KLF11: variants seen among roughly 807,000 people sequenced by gnomAD.
The protein encoded by KLF11 is KLF transcription factor 11, also known as Krueppel-like factor 11.
A neutral mutation model predicts 29.9 loss-of-function variants in KLF11; 26 were observed. That is an observed-to-expected ratio of 0.87 (90% CI 0.64 to 1.21). KLF11 has a LOEUF of 1.21. Among genes scored for constraint, KLF11 ranks in the 50% most tolerant of loss-of-function variants. The pLI, the probability that KLF11 is intolerant of heterozygous loss-of-function variation, is 0.00. For synonymous variants in KLF11, 318 were observed against 257.4 expected, an observed-to-expected ratio of 1.24 and a Z score of -2.25; for missense variants, 778 against 665.7, an observed-to-expected ratio of 1.17 and a Z score of -1.86.
rs1476410351 is a variant in KLF11, at chr2:10,048,441, C to T, written c.1104C>T (p.Pro368=). The change falls in exon 3 of 4, where the codon CCC becomes CCT. Residue 368 remains proline, a synonymous_variant. Coordinates refer to ENST00000305883, the MANE Select transcript of KLF11 (RefSeq NM_003597.5). The part of the protein sequence containing the change: ...VMAAGNTKLL[P]LAPAPVFITS... Reference sequence around the variant, plus strand: ...CTGCCGGGAATACCAAGTTGTTGCCCCTTGCCCCTGCTCCAGTGTTCATCA... The same window carrying T: ...CTGCCGGGAATACCAAGTTGTTGCCTCTTGCCCCTGCTCCAGTGTTCATCA... 1 of 1,614,164 alleles carries T rather than the reference C, an allele frequency of 6.2e-7. No individual in the cohort carries two copies. The highest frequency in any genetic ancestry group is 8.5e-7 in the Non-Finnish European group (1 of 1,180,046).
intron 1 of KLF11, chr2:10,043,999 T>C (rs1327796561): frequency 4.2e-5 from 33 of 793,812 alleles, no homozygotes; most frequent in Non-Finnish European, 4.9e-5. Context: ...TGTCTTGCGC[T>C]TCCTGGGCGG....
chr2:10,051,808 C>T (rs1472201149), intron 3 of KLF11, among the ~76,000 whole-genome samples: 5 of 151,976 alleles, frequency 3.3e-5, no homozygotes, highest in East Asian at 1.9e-4. Context: ...TGAGCCACTG[C>T]GCCTGGCTGG....
chr2:10,049,949 C>T (rs578095755), intron 3 of KLF11, among the ~76,000 whole-genome samples: 34 of 152,242 alleles, frequency 2.2e-4, no homozygotes, highest in African/African-American at 3.1e-4. Flanking sequence ...TGCATTTCAC[C>T]GGGACTCTCC....
Position 10,047,694 on chromosome 2 carries a change from A to G in KLF11, c.357A>G (p.Thr119=), listed in dbSNP as rs1171114796. The change falls in exon 3 of 4, where the codon ACA becomes ACG. Residue 119 remains threonine (T), a synonymous_variant. Transcript: ENST00000305883. ...PQSPDLVEPS[T]RTPVSPQVTD... is the part of the protein sequence containing the mutation. ...GCCCTGATCTCGTGGAGCCATCGAC[A>G]AGGACACCTGTTTCTCCCCAAGTAA... 1.9e-6 allele frequency: 3 copies of G among 1,613,586 alleles called. No individual in the cohort carries two copies. The highest frequency in any genetic ancestry group is 2.5e-6 in the Non-Finnish European group (3 of 1,180,026).
At position 10,046,413 on chromosome 2, in the gene KLF11, G is replaced by C. The variant is rs774134280; in HGVS notation, c.306G>C (p.Ser102=). The change falls in exon 2 of 4, where the codon TCG becomes TCC. Residue 102 remains serine, a synonymous_variant. Coordinates refer to ENST00000305883, the MANE Select transcript of KLF11 (RefSeq NM_003597.5). ...TACCAAAAGACTTCCATTCTTTATCGACTCTGGTAAGAGGAGGTGGGAGGG... is the reference window on the plus strand; with the variant it reads ...TACCAAAAGACTTCCATTCTTTATCCACTCTGGTAAGAGGAGGTGGGAGGG... ...PELPKDFHSL[S]TLCITPPQSP... 1 of 1,613,868 alleles carries C rather than the reference G, an allele frequency of 6.2e-7. No homozygotes were observed. The highest frequency in any genetic ancestry group is 8.5e-7 in the Non-Finnish European group (1 of 1,180,022).
At chr2:10,047,556 G>A in intron 2 of KLF11, 94 bp from the exon 3 acceptor site, 1 of 1,088,978 alleles carries the variant, frequency 9.2e-7, no homozygotes, top group South Asian at 1.3e-5. Flanking sequence ...TGAGTGTCTA[G>A]ATGATTCTGT....
Position 10,043,681 on chromosome 2 carries a change from C to A in KLF11, c.-36C>A. 3.9e-6 allele frequency: 5 copies of A among 1,294,682 alleles called. No homozygotes were observed. The highest frequency in any genetic ancestry group is 5.0e-6 in the Non-Finnish European group (5 of 1,001,886). The allele number at this position is 1,294,682 out of a possible 1,614,324, so 80.2% of individuals were successfully genotyped here. On this transcript the variant is annotated 5_prime_UTR_variant, in exon 1 of 4. Coordinates refer to ENST00000305883, the MANE Select transcript of KLF11 (RefSeq NM_003597.5). Reference sequence around the variant, plus strand: ...CCGCTGCTGCGCCCGAGCTCACGCCCCGCGGCCGCTTTGTTGCTCCCGGCC... The same window carrying A: ...CCGCTGCTGCGCCCGAGCTCACGCCACGCGGCCGCTTTGTTGCTCCCGGCC...
intron 1 of KLF11, chr2:10,044,487 CAG>C (rs987748932): frequency 6.2e-6 from 6 of 970,798 alleles, no homozygotes; most frequent in East Asian, 1.1e-4. Context: ...TGTGACATCA[CAG>C]GGGGTTTAGT....
intron 3 of KLF11, 87 bp downstream of exon 3, chr2:10,048,682 T>TGATCCCCTCC: frequency 1.0e-6 from 1 of 995,462 alleles, no homozygotes; most frequent in Non-Finnish European, 1.6e-6. Context: ...TGGGAGGGGA[T>TGATCCCCTCC]CATGAGAACC....
intron 1 of KLF11, among the ~76,000 whole-genome samples, chr2:10,045,722 C>T (rs1004607688): frequency 6.6e-6 from 1 of 152,224 alleles, no homozygotes; most frequent in African/African-American, 2.4e-5. Flanking sequence ...GCGGCTTTGC[C>T]GCCTCAGAGA....
At chr2:10,046,790 G>T (rs1661219722) in intron 2 of KLF11, among the ~76,000 whole-genome samples, 1 of 152,172 alleles carries the variant, frequency 6.6e-6, no homozygotes, top group African/African-American at 2.4e-5. Flanking sequence ...GGGAGGCGGA[G>T]GTTGCAGTGA....
intron 3 of KLF11, among the ~76,000 whole-genome samples, chr2:10,048,819 G>A (rs990856531): frequency 1.7e-4 from 25 of 151,402 alleles, no homozygotes; most frequent in Middle Eastern, 3.5e-3. Context: ...AAGATAAAAT[G>A]TAGTATAGTT....
chr2:10,045,254 C>T (rs571336604), intron 1 of KLF11, among the ~76,000 whole-genome samples: 34 of 152,006 alleles, frequency 2.2e-4, no homozygotes, highest in Admixed American at 5.9e-4. Context: ...GGTGAAACCC[C>T]GTCTCTACTA....
In KLF11 at chr2:10,043,716, G is replaced by A; in HGVS notation, c.-1G>A. On this transcript the variant is annotated 5_prime_UTR_variant, in exon 1 of 4. Coordinates refer to ENST00000305883, the MANE Select transcript of KLF11 (RefSeq NM_003597.5). Reference sequence around the variant, plus strand: ...TTTGTTGCTCCCGGCCGGCCTGCACGATGCACACGCCGGACTTCGCAGGCC... The same window carrying A: ...TTTGTTGCTCCCGGCCGGCCTGCACAATGCACACGCCGGACTTCGCAGGCC... 4 of 1,355,778 alleles carry A rather than the reference G, an allele frequency of 3.0e-6. No homozygotes were observed. Among genetic ancestry groups the A allele is most frequent in the South Asian group, 1.3e-5 (1 of 77,896 alleles). 84.0% of individuals were successfully genotyped at this position (1,355,778 alleles called of 1,614,324 possible).
chr2:10,053,135 A>T lies in KLF11; in HGVS notation c.*628A>T. 1 of 397,494 alleles carries T rather than the reference A, an allele frequency of 2.5e-6. No individual in the cohort carries two copies. Among genetic ancestry groups the T allele is most frequent in the African/African-American group, 2.1e-5 (1 of 48,394 alleles). 24.6% of individuals were successfully genotyped at this position (397,494 alleles called of 1,614,324 possible). On this transcript the variant is annotated 3_prime_UTR_variant, in exon 4 of 4. Coordinates refer to ENST00000305883, the MANE Select transcript of KLF11 (RefSeq NM_003597.5). ...CGTCAGCTTCTTCATAACGTTTTCAAGGAAATTCTAGGCAATCATTCCTGT... is the reference window on the plus strand; with the variant it reads ...CGTCAGCTTCTTCATAACGTTTTCATGGAAATTCTAGGCAATCATTCCTGT...
At chr2:10,047,108 T>C (rs1046042911) in intron 2 of KLF11, among the ~76,000 whole-genome samples, 1 of 152,184 alleles carries the variant, frequency 6.6e-6, no homozygotes, top group Non-Finnish European at 1.5e-5. Flanking sequence ...ATTGCCTTCG[T>C]TGGGTGGCAC....
In KLF11 at chr2:10,048,009, C is replaced by T. The variant is rs1661272895; in HGVS notation, c.672C>T (p.Leu224=). ...LQDTHLTDSL[L]STNLVSCQPC... ...ACACACACCTCACGGACAGTTTACT[C>T]AGCACTAACTTGGTGTCCTGTCAGC... is the stretch of plus-strand genomic sequence containing the variant. Residue 224 remains leucine (L), a synonymous_variant, in exon 3 of 4, where the codon CTC becomes CTT. Transcript: ENST00000305883. The T allele has an allele frequency of 1.2e-6, 2 of 1,614,050 alleles. No homozygotes were observed. The highest frequency in any genetic ancestry group is 1.7e-5 in the Admixed American group (1 of 60,008).
chr2:10,049,222 A>C (rs1227752576), intron 3 of KLF11, among the ~76,000 whole-genome samples: 1 of 152,210 alleles, frequency 6.6e-6, no homozygotes, highest in African/African-American at 2.4e-5. Flanking sequence ...GGCTGCTCAC[A>C]CTTGAAGTGT....
Position 10,048,239 on chromosome 2 carries a change from C to CT in KLF11, c.908dup (p.Leu303PhefsTer77). ...ACTGGACAAAGTAGCATGTTACCAG[C>CT]TTTTTTGAAGCCCCCTCCCCAGTTG... On this transcript the variant is annotated frameshift_variant, in exon 3 of 4. Coordinates refer to ENST00000305883, the MANE Select transcript of KLF11 (RefSeq NM_003597.5). LOFTEE classifies it high-confidence loss of function. 6.2e-7 allele frequency: 1 copy of CT among 1,613,212 alleles called. No individual in the cohort carries two copies. The highest frequency in any genetic ancestry group is 8.5e-7 in the Non-Finnish European group (1 of 1,179,240).
Sources: gnomAD v4.1 joint callset for allele counts (sites outside exome capture counted in the v4.1 genomes callset) on GRCh38, gnomAD v4.1.1 for gene constraint, MANE v1.5 for transcripts, NCBI Gene and HGNC (gene_info 2026-07-23, HGNC 2026-07-21) for gene names.